The following GORASP2 variants were observed in gnomAD, a reference collection of about 807,000 sequenced individuals.
The protein encoded by GORASP2 is golgi reassembly stacking protein 2.
In GORASP2, 22 loss-of-function variants were observed where a neutral mutation model predicts 45.7. The observed-to-expected ratio is 0.48, with a 90% confidence interval of 0.34 to 0.69. GORASP2 has a LOEUF of 0.69. GORASP2 is among the 30% of genes least tolerant of loss of function. The pLI, the probability that GORASP2 is intolerant of heterozygous loss-of-function variation, is 0.01. For missense variants in GORASP2, 491 were observed against 562.7 expected (o/e 0.87, Z 1.29); for synonymous variants, 221 against 215.6 (o/e 1.02, Z -0.22).
intron 1 of GORASP2, chr2:170,936,552 C>G: frequency 3.4e-6 from 3 of 888,552 alleles, no homozygotes; most frequent in Non-Finnish European, 4.9e-6. Context: ...TGTACATTTC[C>G]CTGTTGGCAT....
intron 1 of GORASP2, among the ~76,000 whole-genome samples, chr2:170,938,974 A>T: frequency 6.6e-6 from 1 of 152,130 alleles, no homozygotes; most frequent in Admixed American, 6.5e-5. Flanking sequence ...ACCTGGGAAC[A>T]AGAGGGAAAC....
chr2:170,962,975 C>A, intron 9 of GORASP2, 29 bp downstream of exon 9: 2 of 1,427,790 alleles, frequency 1.4e-6, no homozygotes, highest in Non-Finnish European at 2.0e-6. Flanking sequence ...CCTCCTAGGA[C>A]TCTCTCTAAT....
intron 1 of GORASP2, 142 bp downstream of exon 1, chr2:170,929,545 C>A: frequency 1.4e-6 from 1 of 717,936 alleles, no homozygotes; most frequent in Non-Finnish European, 2.1e-6. Flanking sequence ...CTGCCTTGGT[C>A]GAGGCTGGTT....
chr2:170,966,180 T>C lies in GORASP2; in HGVS notation c.*50T>C, dbSNP rs992753001. On this transcript the variant is annotated 3_prime_UTR_variant, in exon 10 of 10. Transcript: ENST00000234160. Reference sequence around the variant, plus strand: ...CGTGGTATATTTAACCACGGGAGCGTGTCTGGAAACGCAAACTATCATTAA... The same window carrying C: ...CGTGGTATATTTAACCACGGGAGCGCGTCTGGAAACGCAAACTATCATTAA... The C allele has an allele frequency of 2.3e-6, 3 of 1,312,820 alleles. No homozygotes were observed. Among genetic ancestry groups the C allele is most frequent in the Admixed American group, 3.4e-5 (2 of 59,474 alleles). 81.3% of individuals were successfully genotyped at this position (1,312,820 alleles called of 1,614,324 possible).
At position 170,967,065 on chromosome 2, in the gene GORASP2, G is replaced by A. The variant is rs1310446561; in HGVS notation, c.*935G>A. 6.6e-6 allele frequency: 1 copy of A among 152,136 alleles called. No homozygotes were observed. The highest frequency in any genetic ancestry group is 1.5e-5 in the Non-Finnish European group (1 of 68,050). 9.4% of individuals were successfully genotyped at this position (152,136 alleles called of 1,614,324 possible). ...TGCTTTCTCCCATTTTTAAGAGATG[G>A]TAAGTTAACTGGAATTGATTTACTG... On this transcript the variant is annotated 3_prime_UTR_variant, in exon 10 of 10. Coordinates refer to ENST00000234160, the MANE Select transcript of GORASP2 (RefSeq NM_015530.5).
chr2:170,950,779 C>A (rs141326550), intron 4 of GORASP2, among the ~76,000 whole-genome samples: 1 of 152,048 alleles, frequency 6.6e-6, no homozygotes, highest in African/African-American at 2.4e-5. Flanking sequence ...CTCAGGAGTT[C>A]GAGACCAGTC....
Position 170,954,550 on chromosome 2 carries a change from G to C in GORASP2, c.567-100G>C, listed in dbSNP as rs569529772. On this transcript the variant is annotated intron_variant, in intron 5 of 9. Transcript: ENST00000234160. ...AGGGAGTGCATGTTCAGGGCAACTT[G>C]AATCTATGCTCTTGGGTTACCCGCC... 9.0e-6 allele frequency: 8 copies of C among 884,256 alleles called. No homozygotes were observed. In the South Asian group the frequency reaches 1.2e-4, roughly 13 times the overall value. 54.8% of individuals were successfully genotyped at this position (884,256 alleles called of 1,614,324 possible).
At chr2:170,941,285 G>T (rs1160863956) in intron 1 of GORASP2, among the ~76,000 whole-genome samples, 2 of 152,042 alleles carry the variant, frequency 1.3e-5, no homozygotes, top group Non-Finnish European at 2.9e-5. Context: ...AAGCATAATT[G>T]CTCTTTAGTA....
At chr2:170,960,368 A>G (rs1704529096) in intron 7 of GORASP2, among the ~76,000 whole-genome samples, 1 of 152,170 alleles carries the variant, frequency 6.6e-6, no homozygotes, top group African/African-American at 2.4e-5. Flanking sequence ...AAATTGTTGT[A>G]TACAATTTTA....
At chr2:170,930,013 C>G (rs561768534) in intron 1 of GORASP2, 78 of 305,036 alleles carry the variant, frequency 2.6e-4, no homozygotes, top group Non-Finnish European at 3.9e-4. Context: ...CCTGACCCTC[C>G]CAAACCTTCT....
chr2:170,957,241 TCA>T (rs1491317551), intron 7 of GORASP2, among the ~76,000 whole-genome samples: 3 of 151,982 alleles, frequency 2.0e-5, no homozygotes, highest in African/African-American at 7.2e-5. Flanking sequence ...TCTGAGGAGC[TCA>T]GTCTTGCTTA....
intron 1 of GORASP2, chr2:170,929,727 C>A (rs375947568): frequency 1.7e-6 from 1 of 572,500 alleles, no homozygotes; most frequent in Non-Finnish European, 3.4e-6. Context: ...TCCTCCACCC[C>A]CCCTCATTTT....
chr2:170,965,942 A>G lies in GORASP2; in HGVS notation c.1171A>G (p.Ser391Gly), dbSNP rs1704676938. The change falls in exon 10 of 10, where the codon AGC (serine) becomes GGC (glycine). Residue 391 changes from serine to glycine, a missense_variant. By Grantham distance (56) the Ser-to-Gly change is moderately conservative. Coordinates refer to ENST00000234160, the MANE Select transcript of GORASP2 (RefSeq NM_015530.5). ...GELLSSLPPT[S>G]NAPSDPATTT... ...GCTGCTGTCTTCCCTCCCGCCCACCAGCAACGCACCCTCCGACCCTGCCAC... is the reference window on the plus strand; with the variant it reads ...GCTGCTGTCTTCCCTCCCGCCCACCGGCAACGCACCCTCCGACCCTGCCAC... 5 of 1,613,750 alleles carry G rather than the reference A, an allele frequency of 3.1e-6. No individual in the cohort carries two copies. The highest frequency in any genetic ancestry group is 4.2e-6 in the Non-Finnish European group (5 of 1,179,900).
chr2:170,962,421 G>T (rs1704584047), intron 8 of GORASP2, among the ~76,000 whole-genome samples: 1 of 152,182 alleles, frequency 6.6e-6, no homozygotes, highest in African/African-American at 2.4e-5. Context: ...TTTTGCAACT[G>T]TAAGTCTGCA....
chr2:170,936,485 G>GT (rs1268188491), intron 1 of GORASP2: 3 of 381,998 alleles, frequency 7.9e-6, no homozygotes, highest in African/African-American at 6.3e-5. Flanking sequence ...TTCCCAAAGT[G>GT]TTGGGATTAC....
chr2:170,928,982 G>T, upstream of GORASP2: 1 of 222,730 alleles, frequency 4.5e-6, no homozygotes, highest in East Asian at 8.8e-5. Context: ...GAACGCGTCT[G>T]CATAAATCTA....
intron 1 of GORASP2, among the ~76,000 whole-genome samples, chr2:170,942,829 T>C (rs948336717): frequency 1.2e-4 from 18 of 152,230 alleles, no homozygotes; most frequent in African/African-American, 4.1e-4. Flanking sequence ...CACCAGCAAA[T>C]GTATGAGTGT....
intron 9 of GORASP2, among the ~76,000 whole-genome samples, chr2:170,965,572 G>A (rs1300746748): frequency 6.6e-6 from 1 of 152,164 alleles, no homozygotes; most frequent in Admixed American, 6.5e-5. Context: ...GTTACATGGA[G>A]CCTAGAAGTT....
rs1704660202 is a variant in GORASP2 at position 170,965,370 on chromosome 2, G to C, written c.1019-420G>C. On this transcript the variant is annotated intron_variant, in intron 9 of 9. Coordinates refer to ENST00000234160, the MANE Select transcript of GORASP2 (RefSeq NM_015530.5). Reference sequence around the variant, plus strand: ...CTGCTGCCTTCGCAGGAGGGTTGCAGCCTACCTCTCCCTGTTGTCTGTCAA... The same window carrying C: ...CTGCTGCCTTCGCAGGAGGGTTGCACCCTACCTCTCCCTGTTGTCTGTCAA... 2.6e-5 allele frequency among the ~76,000 whole-genome samples: 4 copies of C among 152,236 alleles called. No individual in the cohort carries two copies. In the South Asian group the frequency reaches 8.3e-4, roughly 32 times the overall value.
Sources: allele counts gnomAD v4.1 joint callset (sites outside exome capture counted in the v4.1 genomes callset), GRCh38; gene constraint gnomAD v4.1.1; transcripts MANE v1.5; gene names NCBI Gene and HGNC (gene_info 2026-07-23, HGNC 2026-07-21).